XRCC4: variants seen among roughly 807,000 people sequenced by gnomAD.
The protein encoded by XRCC4 is X-ray repair cross complementing 4, also known as DNA repair protein XRCC4.
In XRCC4, 28 loss-of-function variants were observed where a neutral mutation model predicts 39.1. That is an observed-to-expected ratio of 0.72 (90% CI 0.53 to 0.98). The LOEUF (loss-of-function observed/expected upper bound fraction) is 0.98, where lower values mean the gene tolerates loss of function less well. Ranked by LOEUF, XRCC4 falls within the 50% of genes least tolerant of loss-of-function variation. The probability of loss-of-function intolerance (pLI) is 0.00; values close to 1 mark genes in which losing one functional copy is unlikely to be tolerated. For missense variants in XRCC4, 350 were observed against 376.4 expected, an observed-to-expected ratio of 0.93 and a Z score of 0.58; for synonymous variants, 123 against 126.4, an observed-to-expected ratio of 0.97 and a Z score of 0.18.
At chr5:83,261,341 A>T (rs1178905464) in intron 7 of XRCC4, among the ~76,000 whole-genome samples, 1 of 152,184 alleles carries the variant, frequency 6.6e-6, no homozygotes, top group Admixed American at 6.6e-5. Context: ...CATCAAAAAC[A>T]TAAACATCAA....
At chr5:83,164,741 A>C (rs1749379919) in intron 3 of XRCC4, among the ~76,000 whole-genome samples, 1 of 152,148 alleles carries the variant, frequency 6.6e-6, no homozygotes, top group East Asian at 1.9e-4. Flanking sequence ...GAAGAAAATA[A>C]AAATGGTAAG....
intron 3 of XRCC4, among the ~76,000 whole-genome samples, chr5:83,139,298 T>G (rs1006796288): frequency 1.3e-5 from 2 of 152,148 alleles, no homozygotes; most frequent in African/African-American, 2.4e-5. Context: ...TTTATACATT[T>G]TTGACAAGAA....
At chr5:83,130,713 G>A (rs4410625) in intron 3 of XRCC4, among the ~76,000 whole-genome samples, 74,435 of 151,794 alleles carry the variant, frequency 0.49, 19,185 homozygotes, top group African/African-American at 0.63. Context: ...TGTATGTGTC[G>A]AGGAATTTAT....
chr5:83,161,675 C>T (rs1305535847), intron 3 of XRCC4, among the ~76,000 whole-genome samples: 1 of 152,170 alleles, frequency 6.6e-6, no homozygotes. Context: ...CTGCAAGTTA[C>T]TCATGAAATA....
At chr5:83,078,466 G>A (rs369396393) in intron 1 of XRCC4, among the ~76,000 whole-genome samples, 40 of 152,320 alleles carry the variant, frequency 2.6e-4, no homozygotes, top group African/African-American at 8.2e-4. Context: ...GGACTTAGAA[G>A]GTGGATAGAG....
intron 1 of XRCC4, among the ~76,000 whole-genome samples, chr5:83,095,785 C>T (rs1745646731): frequency 6.6e-6 from 1 of 152,058 alleles, no homozygotes; most frequent in African/African-American, 2.4e-5. Context: ...GGGGCTGGAG[C>T]AGAGACTGGG....
At chr5:83,235,687 C>A (rs1419569864) in intron 6 of XRCC4, among the ~76,000 whole-genome samples, 1 of 152,040 alleles carries the variant, frequency 6.6e-6, no homozygotes, top group East Asian at 1.9e-4. Context: ...GACTTTTACT[C>A]ACAATGTTTA....
chr5:83,088,267 C>G (rs1173272964), intron 1 of XRCC4, among the ~76,000 whole-genome samples: 3 of 152,064 alleles, frequency 2.0e-5, no homozygotes, highest in African/African-American at 7.2e-5. Context: ...TTTTAAATAA[C>G]TAACAAGTTT....
intron 3 of XRCC4, among the ~76,000 whole-genome samples, chr5:83,167,083 T>C (rs564298290): frequency 6.6e-6 from 1 of 152,238 alleles, no homozygotes; most frequent in South Asian, 2.1e-4. Context: ...TATTTCGCCA[T>C]GTTTGCCAGG....
intron 7 of XRCC4, among the ~76,000 whole-genome samples, chr5:83,314,459 G>C (rs1013674405): frequency 1.3e-5 from 2 of 152,146 alleles, no homozygotes; most frequent in Non-Finnish European, 2.9e-5. Context: ...CATGATAACA[G>C]CTTTCAATAG....
intron 3 of XRCC4, among the ~76,000 whole-genome samples, chr5:83,123,572 TCTA>T (rs1174186602): frequency 6.6e-5 from 10 of 152,024 alleles, no homozygotes; most frequent in Admixed American, 5.2e-4. Flanking sequence ...GGTTTAAAAA[TCTA>T]CTATCTCTGT....
intron 7 of XRCC4, 149 bp downstream of exon 7, chr5:83,258,826 T>C: frequency 5.1e-6 from 5 of 988,200 alleles, no homozygotes; most frequent in East Asian, 2.8e-5. Context: ...TGAATCAATG[T>C]ATTGTTTCAG....
At chr5:83,175,474 A>C (rs529432398) in intron 3 of XRCC4, among the ~76,000 whole-genome samples, 8 of 152,374 alleles carry the variant, frequency 5.3e-5, no homozygotes, top group Non-Finnish European at 1.0e-4. Context: ...ATAAACTATT[A>C]GTAATTCAAG....
intron 6 of XRCC4, among the ~76,000 whole-genome samples, chr5:83,236,047 C>T (rs1752675016): frequency 6.6e-6 from 1 of 151,848 alleles, no homozygotes; most frequent in Non-Finnish European, 1.5e-5. Flanking sequence ...AATTATAAAA[C>T]ATTGATGAAA....
At chr5:83,267,979 C>T (rs934521210) in intron 7 of XRCC4, among the ~76,000 whole-genome samples, 3 of 152,082 alleles carry the variant, frequency 2.0e-5, no homozygotes, top group African/African-American at 7.2e-5. Flanking sequence ...ATGAATGCTA[C>T]AAGAACTGTT....
At chr5:83,291,218 C>T (rs1754910393) in intron 7 of XRCC4, among the ~76,000 whole-genome samples, 1 of 151,692 alleles carries the variant, frequency 6.6e-6, no homozygotes, top group Non-Finnish European at 1.5e-5. Context: ...TATTCTAAGC[C>T]TTGATTTGCC....
chr5:83,321,013 AT>A (rs1415527871), intron 7 of XRCC4, among the ~76,000 whole-genome samples: 1 of 151,780 alleles, frequency 6.6e-6, no homozygotes, highest in Non-Finnish European at 1.5e-5. Flanking sequence ...GTTTCACCAC[AT>A]TGGCCAGGCT....
chr5:83,095,936 A>G (rs747125743), intron 1 of XRCC4, among the ~76,000 whole-genome samples: 2 of 152,266 alleles, frequency 1.3e-5, no homozygotes, highest in African/African-American at 4.8e-5. Flanking sequence ...CCCTTCCAGG[A>G]TCTGCTGTGG....
chr5:83,129,707 A>G (rs1279660285), intron 3 of XRCC4, among the ~76,000 whole-genome samples: 9 of 151,960 alleles, frequency 5.9e-5, no homozygotes, highest in Admixed American at 5.9e-4. Context: ...TGTAAGTTGT[A>G]TTCCTAGGTA....
Sources: gnomAD v4.1 joint callset for allele counts (sites outside exome capture counted in the v4.1 genomes callset) on GRCh38, gnomAD v4.1.1 for gene constraint, MANE v1.5 for transcripts, NCBI Gene and HGNC (gene_info 2026-07-23, HGNC 2026-07-21) for gene names.